Variants in XDH observed in about 807,000 individuals in gnomAD.
The protein encoded by XDH is xanthine dehydrogenase/oxidase.
In XDH, 138 loss-of-function variants were observed where a neutral mutation model predicts 156.1. The observed-to-expected ratio is 0.88, with a 90% CI of 0.77 to 1.02. The LOEUF is 1.02. Ranked by LOEUF, XDH falls within the 50% of genes least tolerant of loss-of-function variation. XDH has a pLI of 0.00. For missense variants in XDH, 1,849 were observed against 1,684.9 expected (o/e 1.10, Z -1.71); for synonymous variants, 669 against 625.7 (o/e 1.07, Z -1.03).
chr2:31,365,677 T>A, intron 22 of XDH, 133 bp from the exon 23 acceptor site: 1 of 1,129,224 alleles, frequency 8.9e-7, no homozygotes, highest in Non-Finnish European at 1.3e-6. Flanking sequence ...AGGGCTGCTT[T>A]GCCATCTAGG....
chr2:31,365,910 T>G (rs1685902639), intron 22 of XDH, 66 bp downstream of exon 22: 3 of 1,612,066 alleles, frequency 1.9e-6, no homozygotes, highest in Non-Finnish European at 2.5e-6. Context: ...CTGAAAACCT[T>G]CCTGGCACAG....
rs142066263 is a variant in XDH at position 31,354,028 on chromosome 2, G to T, written c.2632-3805C>A. 4.9e-3 allele frequency among the ~76,000 whole-genome samples: 749 copies of T among 152,292 alleles called. 10 individuals are homozygous for T. The highest frequency in any genetic ancestry group is 7.6e-3 in the Non-Finnish European group (519 of 68,018). ...CTTCCCTTCCTTTCTGGTTGTGTCA[G>T]AAAAAGTCTAGTGAAGAGTCAAGGC... is the stretch of plus-strand genomic sequence containing the variant. On this transcript the variant is annotated intron_variant, in intron 24 of 35. Coordinates refer to ENST00000379416, the MANE Select transcript of XDH (RefSeq NM_000379.4).
rs1212495476 is a variant in XDH, at chr2:31,377,180, C to T, written c.1300G>A (p.Val434Ile). Residue 434 changes from valine (V) to isoleucine (I), a missense_variant, in exon 14 of 36, where the codon GTA becomes ATA. By Grantham distance (29) the Val-to-Ile change is conservative. Transcript: ENST00000379416. ...AATAAAACTCTCATGCCACTGGTTA[C>T]CTTGGCAATGTCATCTTCTCTCCGG... ...ASRREDDIAK[V>I]TSGMRVLFKP... 10 of 1,613,980 alleles carry T rather than the reference C, an allele frequency of 6.2e-6. No individual in the cohort carries two copies. In the African/African-American group the frequency reaches 1.1e-4, roughly 17 times the overall value.
At position 31,397,314 on chromosome 2, in the gene XDH, C is replaced by T. The variant is rs887810865; in HGVS notation, c.495+354G>A. The stretch of plus-strand genomic sequence containing the variant: ...AGCAAGGCCACGTTGTTATTAAATG[C>T]TACATTCAGCACCTGTGCCATGGGC... On this transcript the variant is annotated intron_variant, in intron 6 of 35. Coordinates refer to ENST00000379416, the MANE Select transcript of XDH (RefSeq NM_000379.4). Among the ~76,000 whole-genome samples the T allele has an allele frequency of 3.3e-5, 5 of 152,306 alleles. No individual in the cohort carries two copies. In the South Asian group the frequency reaches 8.3e-4, roughly 25 times the overall value.
chr2:31,376,448 G>A (rs1023070217), intron 14 of XDH, among the ~76,000 whole-genome samples: 3 of 149,106 alleles, frequency 2.0e-5, no homozygotes, highest in African/African-American at 7.3e-5. Context: ...AGTAGTAGTA[G>A]CAGTAACAGT....
At position 31,382,481 on chromosome 2, in the gene XDH, G is replaced by A. The variant is rs1394347028; in HGVS notation, c.1038+520C>T. Among the ~76,000 whole-genome samples, 3 of 152,152 alleles carry A rather than the reference G, an allele frequency of 2.0e-5. No homozygotes were observed. The East Asian group carries it at 5.8e-4, about 29-fold the overall frequency. ...TTCCATTGGCATAGGGTGTTCGAAT[G>A]CCACCATTTGCAAACTGGGAATGTG... On this transcript the variant is annotated intron_variant, in intron 11 of 35. Coordinates refer to ENST00000379416, the MANE Select transcript of XDH (RefSeq NM_000379.4).
At chr2:31,369,676 T>G (rs1445119751) in intron 18 of XDH, among the ~76,000 whole-genome samples, 1 of 152,248 alleles carries the variant, frequency 6.6e-6, no homozygotes, top group Non-Finnish European at 1.5e-5. Context: ...TCTTAAAGTA[T>G]GTAAAGCAAT....
rs570919840 is a variant in XDH at position 31,408,145 on chromosome 2, C to T, written c.43-2181G>A. On this transcript the variant is annotated intron_variant, in intron 1 of 35. Coordinates refer to ENST00000379416, the MANE Select transcript of XDH (RefSeq NM_000379.4). The stretch of plus-strand genomic sequence containing the variant: ...ATATATTCCCAATCTTCATTTTCAG[C>T]CTTTCTCCCTTCTACTTCCCTGCCA... Among the ~76,000 whole-genome samples the T allele has an allele frequency of 5.9e-5, 9 of 152,312 alleles. No homozygotes were observed. In the East Asian group the frequency reaches 1.5e-3, roughly 26 times the overall value.
In XDH at chr2:31,337,282, TA is replaced by T. The variant is rs201756000; in HGVS notation, c.3951+358del. On this transcript the variant is annotated intron_variant, in intron 35 of 35. Transcript: ENST00000379416. ...TTCATACAGTGTCCTTAACATAAATTAAAAAAAAAAATGCTAGCGACTGACT... is the reference window on the plus strand; with the variant it reads ...TTCATACAGTGTCCTTAACATAAATTAAAAAAAAAATGCTAGCGACTGACT... Among the ~76,000 whole-genome samples the T allele has an allele frequency of 4.6e-3, 680 of 147,366 alleles. 2 individuals carry two copies. The highest frequency in any genetic ancestry group is 7.9e-3 in the African/African-American group (320 of 40,408).
At chr2:31,351,523 C>T (rs554914948) in intron 24 of XDH, among the ~76,000 whole-genome samples, 10 of 152,220 alleles carry the variant, frequency 6.6e-5, no homozygotes, top group African/African-American at 2.2e-4. Context: ...ATCTTAAATC[C>T]CCCAGTGGGA....
chr2:31,403,291 C>T (rs1687110990), intron 2 of XDH, 147 bp from the exon 3 acceptor site: 2 of 800,114 alleles, frequency 2.5e-6, no homozygotes, highest in East Asian at 2.7e-5. Context: ...GGCCCACTGG[C>T]CTCCTTATTC....
Position 31,334,659 on chromosome 2 carries a change from C to T in XDH, c.*1299G>A, listed in dbSNP as rs1684928903. The T allele has an allele frequency of 6.6e-6, 1 of 152,054 alleles. No homozygotes were observed. Among genetic ancestry groups the T allele is most frequent in the African/African-American group, 2.4e-5 (1 of 41,404 alleles). 9.4% of individuals were successfully genotyped at this position (152,054 alleles called of 1,614,324 possible). A position where few individuals can be genotyped will look rare whatever the true frequency, so the allele number is the denominator to read the frequency against. ...AGATCCTTTATGTAACTGGAGTTTTCAGGTCATATATTTATAGGCTTTTAA... is the reference window on the plus strand; with the variant it reads ...AGATCCTTTATGTAACTGGAGTTTTTAGGTCATATATTTATAGGCTTTTAA... On this transcript the variant is annotated 3_prime_UTR_variant, in exon 36 of 36. Transcript: ENST00000379416.
intron 24 of XDH, among the ~76,000 whole-genome samples, chr2:31,356,803 G>A (rs62142912): frequency 0.031 from 4,673 of 152,278 alleles, 102 homozygotes; most frequent in South Asian, 0.083. Flanking sequence ...CGTGGAACTT[G>A]TATCAAAACA....
In XDH at chr2:31,335,584, G is replaced by C; in HGVS notation, c.*374C>G. Reference sequence around the variant, plus strand: ...AAAGTAACTTCGGTTTAAGCTTCTAGAGGTTTGTGGGAATCCTCTTCAAAG... The same window carrying C: ...AAAGTAACTTCGGTTTAAGCTTCTACAGGTTTGTGGGAATCCTCTTCAAAG... On this transcript the variant is annotated 3_prime_UTR_variant, in exon 36 of 36. Coordinates refer to ENST00000379416, the MANE Select transcript of XDH (RefSeq NM_000379.4). 8.6e-6 allele frequency: 3 copies of C among 346,970 alleles called. No individual in the cohort carries two copies. Among genetic ancestry groups the C allele is most frequent in the Non-Finnish European group, 1.6e-5 (3 of 182,850 alleles). The allele number at this position is 346,970 out of a possible 1,614,324, so 21.5% of individuals were successfully genotyped here.
At chr2:31,354,556 T>G (rs1685575501) in intron 24 of XDH, among the ~76,000 whole-genome samples, 1 of 151,994 alleles carries the variant, frequency 6.6e-6, no homozygotes, top group Non-Finnish European at 1.5e-5. Context: ...CTTCTGGAAA[T>G]AAACAGATAG....
intron 24 of XDH, among the ~76,000 whole-genome samples, chr2:31,360,089 A>C (rs1402658451): frequency 6.6e-6 from 1 of 152,248 alleles, no homozygotes; most frequent in Non-Finnish European, 1.5e-5. Flanking sequence ...GTTTTAGAGC[A>C]CAGGAGCAGT....
intron 1 of XDH, among the ~76,000 whole-genome samples, chr2:31,411,996 T>A (rs45555736): frequency 0.047 from 7,112 of 151,526 alleles, 284 homozygotes; most frequent in Admixed American, 0.12. Context: ...AAAGTCACCG[T>A]GACGATCTCT....
chr2:31,387,886 C>A lies in XDH; in HGVS notation c.576G>T (p.Ser192=), dbSNP rs532488709. The stretch of plus-strand genomic sequence containing the variant: ...ACTCCTCTGGTTTGAATAAAGATGG[C>A]GAGAGGCTGACCTATGGGGAAAGAG... ...NQKKDHSVSL[S]PSLFKPEEFT... is the part of the protein sequence containing the mutation. Residue 192 remains serine, a synonymous_variant, in exon 8 of 36, where the codon TCG becomes TCT. Coordinates refer to ENST00000379416, the MANE Select transcript of XDH (RefSeq NM_000379.4). 10 of 1,581,844 alleles carry A rather than the reference C, an allele frequency of 6.3e-6. No homozygotes were observed. In the East Asian group the frequency reaches 2.0e-4, roughly 32 times the overall value.
At position 31,366,842 on chromosome 2, in the gene XDH, C is replaced by T. The variant is rs752426406; in HGVS notation, c.2322+28G>A. ...AGGAGCTCCCCGCTACCCTGACAGCCCCTTGAGCTGACCCAAAAGGCATCT... is the reference window on the plus strand; with the variant it reads ...AGGAGCTCCCCGCTACCCTGACAGCTCCTTGAGCTGACCCAAAAGGCATCT... On this transcript the variant is annotated intron_variant, in intron 21 of 35. Coordinates refer to ENST00000379416, the MANE Select transcript of XDH (RefSeq NM_000379.4). 3.1e-6 allele frequency: 5 copies of T among 1,613,500 alleles called. No individual in the cohort carries two copies. The African/African-American group carries it at 6.7e-5, about 22-fold the overall frequency.
Sources: gnomAD v4.1 joint callset for allele counts (sites outside exome capture counted in the v4.1 genomes callset) on GRCh38, gnomAD v4.1.1 for gene constraint, MANE v1.5 for transcripts, NCBI Gene and HGNC (gene_info 2026-07-23, HGNC 2026-07-21) for gene names.